BCAT1: variants seen among roughly 807,000 people sequenced by gnomAD.
BCAT1 encodes branched chain amino acid transaminase 1, also known as branched-chain-amino-acid aminotransferase, cytosolic.
A neutral mutation model predicts 52.4 loss-of-function variants in BCAT1; 48 were observed. The observed-to-expected ratio is 0.92, with a 90% CI of 0.73 to 1.16. The LOEUF is 1.16. Among genes scored for constraint, BCAT1 ranks in the 50% most tolerant of loss-of-function variants. BCAT1 has a pLI of 0.00. For missense variants in BCAT1, 451 were observed against 457.1 expected, an observed-to-expected ratio of 0.99 and a Z score of 0.12; for synonymous variants, 167 against 161.3, an observed-to-expected ratio of 1.04 and a Z score of -0.27.
At chr12:24,902,082 C>T (rs1423077304) in intron 1 of BCAT1, 197 bp from the exon 2 acceptor site, 5 of 1,492,198 alleles carry the variant, frequency 3.4e-6, no homozygotes, top group Non-Finnish European at 1.8e-6. Flanking sequence ...CCTGCACTTC[C>T]CACCCTGCCG....
In BCAT1 at chr12:24,816,503, C is replaced by T. The variant is rs1490135333; in HGVS notation, c.*1505G>A. On this transcript the variant is annotated 3_prime_UTR_variant, in exon 11 of 11. Transcript: ENST00000261192. ...CATAGTAGCTCTCCCTGCATCCTAA[C>T]CACTTGCTCATCAAATCTCCATTCA... 1.0e-5 allele frequency: 4 copies of T among 397,750 alleles called. No individual in the cohort carries two copies. The highest frequency in any genetic ancestry group is 2.1e-5 in the African/African-American group (1 of 48,444). 24.6% of individuals were successfully genotyped at this position (397,750 alleles called of 1,614,324 possible).
intron 3 of BCAT1, among the ~76,000 whole-genome samples, chr12:24,886,929 GGCAC>G (rs1942677842): frequency 6.7e-6 from 1 of 149,880 alleles, no homozygotes; most frequent in African/African-American, 2.5e-5. Context: ...CAGGCATAGT[GGCAC>G]GTGCCTGTAA....
At chr12:24,870,642 C>T (rs1013850007) in intron 5 of BCAT1, among the ~76,000 whole-genome samples, 2 of 152,170 alleles carry the variant, frequency 1.3e-5, no homozygotes, top group African/African-American at 2.4e-5. Context: ...AAAGATGTTG[C>T]GGGATGGAGG....
intron 8 of BCAT1, among the ~76,000 whole-genome samples, chr12:24,835,595 A>T (rs997020724): frequency 1.4e-5 from 2 of 143,456 alleles, no homozygotes; most frequent in African/African-American, 5.2e-5. Flanking sequence ...TTATTTATTT[A>T]ATTTACTTTT....
intron 6 of BCAT1, among the ~76,000 whole-genome samples, chr12:24,848,542 C>G (rs6487430): frequency 0.96 from 145,792 of 152,272 alleles, 70,099 homozygotes; most frequent in East Asian, 1. Context: ...CTAAACAGGT[C>G]GGGGAGCTAG....
chr12:24,856,655 C>T (rs1941694021), intron 5 of BCAT1, among the ~76,000 whole-genome samples: 1 of 152,098 alleles, frequency 6.6e-6, no homozygotes, highest in Non-Finnish European at 1.5e-5. Flanking sequence ...TTACAGGCAC[C>T]CTCATCTTGG....
At chr12:24,887,233 G>A (rs1942707658) in intron 3 of BCAT1, among the ~76,000 whole-genome samples, 1 of 151,014 alleles carries the variant, frequency 6.6e-6, no homozygotes, top group South Asian at 2.1e-4. Context: ...TACCTATGCA[G>A]TGTCTGGAAG....
At chr12:24,830,733 TG>T (rs1940626833) in intron 9 of BCAT1, 1 of 152,206 alleles carries the variant, frequency 6.6e-6, no homozygotes, top group Non-Finnish European at 1.5e-5. Context: ...AAAAAAAATC[TG>T]GCCTAATGAC....
intron 10 of BCAT1, among the ~76,000 whole-genome samples, chr12:24,818,634 A>T (rs986770771): frequency 1.3e-5 from 2 of 152,196 alleles, no homozygotes; most frequent in Non-Finnish European, 2.9e-5. Context: ...TGAAGTTGAC[A>T]AGTCCCATGG....
intron 5 of BCAT1, among the ~76,000 whole-genome samples, chr12:24,872,075 A>C (rs569382742): frequency 6.6e-5 from 10 of 152,344 alleles, no homozygotes; most frequent in African/African-American, 2.4e-4. Context: ...TAAATCTTTC[A>C]GATTCTTCTG....
chr12:24,822,286 T>C (rs1246339479), intron 10 of BCAT1, among the ~76,000 whole-genome samples: 1 of 152,238 alleles, frequency 6.6e-6, no homozygotes, highest in Non-Finnish European at 1.5e-5. Context: ...ATGGGATGAA[T>C]ACTTAACCTC....
intron 5 of BCAT1, among the ~76,000 whole-genome samples, chr12:24,867,867 T>C (rs1851047859): frequency 6.6e-6 from 1 of 152,062 alleles, no homozygotes; most frequent in Admixed American, 6.5e-5. Context: ...TAGCCGAGCA[T>C]GGTGGCACAT....
At chr12:24,902,990 G>C (rs1827532483) in intron 1 of BCAT1, 1 of 1,467,556 alleles carries the variant, frequency 6.8e-7, no homozygotes, top group South Asian at 1.3e-5. Context: ...GCTGGCCATG[G>C]GGAGGCTGCG....
chr12:24,819,344 T>C (rs529511878), intron 10 of BCAT1, among the ~76,000 whole-genome samples: 16 of 152,338 alleles, frequency 1.1e-4, no homozygotes, highest in Admixed American at 2.6e-4. Context: ...TAGTTTAAAT[T>C]AATATAAAAC....
At chr12:24,905,834 G>A (rs764823568) in intron 1 of BCAT1, among the ~76,000 whole-genome samples, 2 of 151,446 alleles carry the variant, frequency 1.3e-5, no homozygotes, top group Non-Finnish European at 2.9e-5. Context: ...GCAGTTTGGA[G>A]ATTGGAAGAG....
At chr12:24,825,346 T>G (rs1280370445) in intron 10 of BCAT1, among the ~76,000 whole-genome samples, 1 of 152,192 alleles carries the variant, frequency 6.6e-6, no homozygotes, top group Non-Finnish European at 1.5e-5. Flanking sequence ...CTAGTTCTAC[T>G]TTTATTTTTG....
intron 5 of BCAT1, among the ~76,000 whole-genome samples, chr12:24,862,860 A>T (rs1339145933): frequency 1.3e-5 from 2 of 152,000 alleles, no homozygotes; most frequent in Non-Finnish European, 1.5e-5. Context: ...AACATTTTGC[A>T]TTGACTGACA....
chr12:24,894,524 G>A (rs748495413), intron 2 of BCAT1, 49 bp from the exon 3 acceptor site: 70 of 1,459,724 alleles, frequency 4.8e-5, no homozygotes, highest in Middle Eastern at 1.7e-4. Flanking sequence ...CTGAGCATTC[G>A]CTGGCTAGAT....
At chr12:24,946,927 T>C (rs976544805) in intron 1 of BCAT1, among the ~76,000 whole-genome samples, 6 of 152,174 alleles carry the variant, frequency 3.9e-5, no homozygotes, top group African/African-American at 1.4e-4. Context: ...TTTCCCCTTT[T>C]CTCTCTGTAG....
Sources: gnomAD v4.1 joint callset for allele counts (sites outside exome capture counted in the v4.1 genomes callset) on GRCh38, gnomAD v4.1.1 for gene constraint, MANE v1.5 for transcripts, NCBI Gene and HGNC (gene_info 2026-07-23, HGNC 2026-07-21) for gene names.